The following DDX10 variants were observed in gnomAD, a reference collection of about 807,000 sequenced individuals.
DDX10 encodes the protein probable ATP-dependent RNA helicase DDX10.
In DDX10, 74 loss-of-function variants were observed where a neutral mutation model predicts 104.3. The ratio of observed to expected loss-of-function variants is 0.71; its 90% CI spans 0.59 to 0.86. The LOEUF is 0.86. Among genes scored for constraint, DDX10 ranks in the 40% least tolerant of loss-of-function variants. DDX10 has a pLI of 0.00. For missense variants in DDX10, 952 were observed against 1,040.0 expected (o/e 0.92, Z 1.16); for synonymous variants, 351 against 353.4 (o/e 0.99, Z 0.08).
chr11:108,855,243 C>A (rs1862849558), intron 16 of DDX10, among the ~76,000 whole-genome samples: 1 of 152,038 alleles, frequency 6.6e-6, no homozygotes, highest in Non-Finnish European at 1.5e-5. Flanking sequence ...TTTTTGAGTT[C>A]AGGTAGGTTA....
intron 13 of DDX10, among the ~76,000 whole-genome samples, chr11:108,815,962 A>C (rs1448303352): frequency 1.3e-5 from 2 of 152,102 alleles, no homozygotes; most frequent in Non-Finnish European, 2.9e-5. Flanking sequence ...TGTCCCTGCC[A>C]ATCTGTTGAA....
At position 108,761,783 on chromosome 11, in the gene DDX10, C is replaced by T. The variant is rs11212778; in HGVS notation, c.1965+38321C>T. ...AGAAAGTATCTTGTAAGAAGTAAAA[C>T]TAACTGGTAGCATGGAGAGCTGTAC... On this transcript the variant is annotated intron_variant, in intron 13 of 17. Transcript: ENST00000322536. 2.5e-3 allele frequency among the ~76,000 whole-genome samples: 384 copies of T among 152,192 alleles called. 10 individuals carry two copies. The East Asian group carries it at 0.053, about 21-fold the overall frequency.
At chr11:108,695,513 A>G (rs1290738836) in intron 9 of DDX10, among the ~76,000 whole-genome samples, 1 of 152,210 alleles carries the variant, frequency 6.6e-6, no homozygotes, top group East Asian at 1.9e-4. Flanking sequence ...GGCCCCAAGT[A>G]TGAAAGTGTA....
At chr11:108,904,158 G>A (rs1044696049) in intron 16 of DDX10, among the ~76,000 whole-genome samples, 5 of 152,086 alleles carry the variant, frequency 3.3e-5, no homozygotes, top group African/African-American at 9.7e-5. Context: ...AAACCAGTGA[G>A]TTGGAAATGA....
intron 17 of DDX10, among the ~76,000 whole-genome samples, chr11:108,922,924 G>A (rs750422035): frequency 5.3e-5 from 8 of 152,196 alleles, no homozygotes; most frequent in Non-Finnish European, 8.8e-5. Context: ...GGGGCCAGAT[G>A]TCCAAACTCC....
intron 13 of DDX10, among the ~76,000 whole-genome samples, chr11:108,751,230 A>G (rs1207210620): frequency 6.6e-6 from 1 of 152,110 alleles, no homozygotes; most frequent in African/African-American, 2.4e-5. Context: ...CAAAATTTAT[A>G]AGTAAATATG....
At chr11:108,698,325 A>G (rs2094262724) in intron 9 of DDX10, among the ~76,000 whole-genome samples, 1 of 152,244 alleles carries the variant, frequency 6.6e-6, no homozygotes, top group African/African-American at 2.4e-5. Context: ...TACCTTAGAT[A>G]TAAGATAGGA....
intron 17 of DDX10, among the ~76,000 whole-genome samples, chr11:108,930,783 T>C (rs527550269): frequency 3.3e-5 from 5 of 152,292 alleles, no homozygotes; most frequent in African/African-American, 1.2e-4. Flanking sequence ...CAGATTTTGG[T>C]TATATGCTGG....
At chr11:108,691,042 T>C (rs1490209246) in intron 7 of DDX10, 1 of 152,236 alleles carries the variant, frequency 6.6e-6, no homozygotes, top group Non-Finnish European at 1.5e-5. Flanking sequence ...CCTGATATAT[T>C]GTCCCAGAAT....
At chr11:108,736,198 C>T (rs2094318207) in intron 13 of DDX10, among the ~76,000 whole-genome samples, 1 of 149,628 alleles carries the variant, frequency 6.7e-6, no homozygotes, top group Admixed American at 6.6e-5. Context: ...CCTTTGTCTC[C>T]CTCTAGGTTG....
In DDX10 at chr11:108,910,755, G is replaced by C. The variant is rs997835779; in HGVS notation, c.2305-7118G>C. Among the ~76,000 whole-genome samples, 474 of 136,972 alleles carry C rather than the reference G, an allele frequency of 3.5e-3. 4 individuals are homozygous for C. Among genetic ancestry groups the C allele is most frequent in the Non-Finnish European group, 5.9e-3 (391 of 66,362 alleles). The allele number at this position is 136,972 out of a possible 152,430, so 89.9% of individuals were successfully genotyped here. ...TGTGTGTGTGTGTGTGTGTGTGTGTGTGTGTGTGTGTGTGTGTGTGTGTGT... is the reference window on the plus strand; with the variant it reads ...TGTGTGTGTGTGTGTGTGTGTGTGTCTGTGTGTGTGTGTGTGTGTGTGTGT... On this transcript the variant is annotated intron_variant, in intron 16 of 17. Coordinates refer to ENST00000322536, the MANE Select transcript of DDX10 (RefSeq NM_004398.4).
intron 13 of DDX10, among the ~76,000 whole-genome samples, chr11:108,760,425 C>T (rs557855062): frequency 2.0e-5 from 3 of 152,132 alleles, no homozygotes; most frequent in African/African-American, 4.8e-5. Context: ...ATGACTACTA[C>T]ATCTAATATG....
intron 16 of DDX10, among the ~76,000 whole-genome samples, chr11:108,916,297 T>A (rs1442967799): frequency 1.3e-5 from 2 of 152,318 alleles, no homozygotes; most frequent in East Asian, 3.9e-4. Context: ...ATCCAATTTT[T>A]GTTGGTGTCT....
chr11:108,924,777 G>T (rs1476620632), intron 17 of DDX10, among the ~76,000 whole-genome samples: 2 of 152,160 alleles, frequency 1.3e-5, no homozygotes, highest in Non-Finnish European at 2.9e-5. Flanking sequence ...TTTTCACTTG[G>T]AAAACAATGT....
chr11:108,842,538 T>C (rs1862653695), intron 15 of DDX10, among the ~76,000 whole-genome samples: 2 of 152,172 alleles, frequency 1.3e-5, no homozygotes, highest in Non-Finnish European at 2.9e-5. Context: ...TGATGCAGCT[T>C]CAGAGTAGCA....
chr11:108,731,887 T>C (rs562070457), intron 13 of DDX10, among the ~76,000 whole-genome samples: 2 of 152,342 alleles, frequency 1.3e-5, no homozygotes, highest in South Asian at 4.1e-4. Context: ...GTATATTCCC[T>C]GTGGGAAGAC....
chr11:108,895,713 A>G (rs1863431643), intron 16 of DDX10, among the ~76,000 whole-genome samples: 1 of 152,096 alleles, frequency 6.6e-6, no homozygotes, highest in South Asian at 2.1e-4. Flanking sequence ...AGTTCTGATT[A>G]ATACAGAGCT....
chr11:108,872,207 T>A (rs1393725473), intron 16 of DDX10, among the ~76,000 whole-genome samples: 2 of 152,212 alleles, frequency 1.3e-5, no homozygotes, highest in African/African-American at 2.4e-5. Flanking sequence ...TCAAGATAAA[T>A]CACAAATACA....
intron 16 of DDX10, among the ~76,000 whole-genome samples, chr11:108,876,139 AG>A (rs1205820023): frequency 2.6e-5 from 4 of 152,332 alleles, no homozygotes; most frequent in Non-Finnish European, 4.4e-5. Context: ...TGATAAAAAC[AG>A]TAATATCACA....
Sources: allele counts gnomAD v4.1 joint callset (sites outside exome capture counted in the v4.1 genomes callset), GRCh38; gene constraint gnomAD v4.1.1; transcripts MANE v1.5; gene names NCBI Gene and HGNC (gene_info 2026-07-23, HGNC 2026-07-21).